The following NEU4 variants were observed in gnomAD, a reference collection of about 807,000 sequenced individuals.
The protein encoded by NEU4 is neuraminidase 4.
Under a neutral mutation model 9.9 loss-of-function variants are expected in NEU4, and 7 were observed. That is an observed-to-expected ratio of 0.71 (90% CI 0.40 to 1.33). The LOEUF is 1.33. Among genes scored for constraint, NEU4 ranks in the 40% most tolerant of loss-of-function variants. The pLI, the probability that NEU4 is intolerant of heterozygous loss-of-function variation, is 0.01. For missense variants in NEU4, 717 were observed against 712.6 expected (o/e 1.01, Z -0.07); for synonymous variants, 348 against 316.9 (o/e 1.10, Z -1.04).
At position 241,811,529 on chromosome 2, in the gene NEU4, G is replaced by A. The variant is rs527689074; in HGVS notation, c.-4+2255G>A. 138 of 1,343,174 alleles carry A rather than the reference G, an allele frequency of 1.0e-4. No homozygotes were observed. The East Asian group carries it at 2.3e-3, about 22-fold the overall frequency. 83.2% of individuals were successfully genotyped at this position (1,343,174 alleles called of 1,614,324 possible). A position where few individuals can be genotyped will look rare whatever the true frequency, so the allele number is the denominator to read the frequency against. ...ACCCGGGCGCCCGGGGTCAGGACCC[G>A]CTCCTGAGGTATCTGTCCAGCTGGC... On this transcript the variant is annotated intron_variant, in intron 1 of 3. Coordinates refer to ENST00000407683, the MANE Select transcript of NEU4 (RefSeq NM_001167600.3).
At chr2:241,815,918 G>A in intron 3 of NEU4, 133 bp from the exon 4 acceptor site, 1 of 890,390 alleles carries the variant, frequency 1.1e-6, no homozygotes, top group South Asian at 1.7e-5. Flanking sequence ...TGAGTCGTGT[G>A]GAAGGGCGGT....
intron 1 of NEU4, chr2:241,811,398 C>A (rs1700111208): frequency 3.9e-6 from 6 of 1,530,646 alleles, no homozygotes; most frequent in Admixed American, 1.9e-5. Context: ...GGGCCCTTGT[C>A]TCTGCTCTGG....
chr2:241,811,581 C>T (rs561270577), intron 1 of NEU4: 26 of 876,920 alleles, frequency 3.0e-5, no homozygotes, highest in Admixed American at 2.1e-4. Flanking sequence ...GGGTGCTGGA[C>T]GAGTCCCACT....
intron 1 of NEU4, chr2:241,810,408 C>CTA (rs1324955361): frequency 6.6e-6 from 1 of 152,266 alleles, no homozygotes; most frequent in Non-Finnish European, 1.5e-5. Flanking sequence ...CCTCAGGCCC[C>CTA]TAGGACCTGG....
In NEU4 at chr2:241,816,491, C is replaced by T; in HGVS notation, c.898C>T (p.Pro300Ser). ...RPRDDSWSVG[P>S]GSPLQPPLLG... ...ACGGGATGACAGTTGGTCAGTGGGCCCCGGGAGTCCCCTCCAGCCTCCACT... is the reference window on the plus strand; with the variant it reads ...ACGGGATGACAGTTGGTCAGTGGGCTCCGGGAGTCCCCTCCAGCCTCCACT... Residue 300 changes from proline to serine, a missense_variant, in exon 4 of 4, where the codon CCC becomes TCC. Coordinates refer to ENST00000407683, the MANE Select transcript of NEU4 (RefSeq NM_001167600.3). 6.2e-7 allele frequency: 1 copy of T among 1,609,788 alleles called. No individual in the cohort carries two copies.
At chr2:241,813,624 GC>G in intron 1 of NEU4, 2 of 940,762 alleles carry the variant, frequency 2.1e-6, no homozygotes, top group Non-Finnish European at 3.0e-6. Flanking sequence ...TGGCCGCCGG[GC>G]CCCACTCGGC....
intron 1 of NEU4, among the ~76,000 whole-genome samples, chr2:241,809,541 A>G (rs1700046610): frequency 6.6e-6 from 1 of 152,170 alleles, no homozygotes; most frequent in African/African-American, 2.4e-5. Context: ...GGTTAAGGAA[A>G]GCTTCCCCCG....
chr2:241,815,666 C>T (rs908342326), intron 3 of NEU4: 22 of 522,818 alleles, frequency 4.2e-5, no homozygotes, highest in Admixed American at 3.5e-4. Context: ...TCACCCACAA[C>T]TTTCCCTCCA....
intron 1 of NEU4, among the ~76,000 whole-genome samples, chr2:241,813,054 G>A (rs34761249): frequency 0.26 from 39,907 of 152,156 alleles, 5,951 homozygotes; most frequent in Non-Finnish European, 0.35. Context: ...GTGGGGGAGC[G>A]GCAGGAAGGG....
At position 241,814,553 on chromosome 2, in the gene NEU4, C is replaced by T. The variant is rs761194255; in HGVS notation, c.69C>T (p.Arg23=). 49 of 1,612,694 alleles carry T rather than the reference C, an allele frequency of 3.0e-5. No individual in the cohort carries two copies. In the Middle Eastern group the frequency reaches 5.0e-4, roughly 16 times the overall value. ...FERERTGLTY[R]VPSLLPVPPG... The stretch of plus-strand genomic sequence containing the variant: ...GGGAGAGGACGGGCCTGACCTACCG[C>T]GTGCCCTCGCTGCTCCCCGTGCCCC... The change falls in exon 2 of 4, where the codon CGC becomes CGT. Residue 23 remains arginine (R), a synonymous_variant. Coordinates refer to ENST00000407683, the MANE Select transcript of NEU4 (RefSeq NM_001167600.3).
chr2:241,812,845 G>A (rs1403053026), intron 1 of NEU4, among the ~76,000 whole-genome samples: 1 of 152,176 alleles, frequency 6.6e-6, no homozygotes, highest in Non-Finnish European at 1.5e-5. Context: ...ATGTCTGCAG[G>A]GGGTGCTGAC....
At chr2:241,811,186 G>A in intron 1 of NEU4, 1 of 1,231,652 alleles carries the variant, frequency 8.1e-7, no homozygotes, top group Non-Finnish European at 1.0e-6. Context: ...GCACCCCCGT[G>A]TCCTCAGCAC....
chr2:241,814,786 C>G, intron 2 of NEU4, 101 bp downstream of exon 2: 1 of 1,527,934 alleles, frequency 6.5e-7, no homozygotes, highest in Non-Finnish European at 8.8e-7. Context: ...GGCAGATGCC[C>G]GAGGTAGAGA....
chr2:241,815,915 T>C, intron 3 of NEU4, 136 bp from the exon 4 acceptor site: 2 of 864,864 alleles, frequency 2.3e-6, no homozygotes, highest in Non-Finnish European at 1.7e-6. Flanking sequence ...GGATGAGTCG[T>C]GTGGAAGGGC....
intron 1 of NEU4, chr2:241,811,346 C>T (rs572604959): frequency 6.9e-7 from 1 of 1,441,626 alleles, no homozygotes; most frequent in Non-Finnish European, 9.2e-7. Context: ...CCTGACGTAG[C>T]CCTGAGACGT....
At chr2:241,809,885 C>T (rs34334067) in intron 1 of NEU4, 39,940 of 153,580 alleles carry the variant, frequency 0.26, 5,811 homozygotes, top group Non-Finnish European at 0.33. Flanking sequence ...GCTCCAGACC[C>T]GGCCTGTGTC....
In NEU4 at chr2:241,815,220, A is replaced by C. The variant is rs1395812265; in HGVS notation, c.457+73A>C. 2.7e-6 allele frequency: 4 copies of C among 1,456,900 alleles called. No homozygotes were observed. In the African/African-American group the frequency reaches 5.6e-5, roughly 21 times the overall value. 90.2% of individuals were successfully genotyped at this position (1,456,900 alleles called of 1,614,324 possible). ...CACATGGAAGGGAGATTCCAGCGGG[A>C]AATTGCCATTCTGCCCCACCCCTGT... On this transcript the variant is annotated intron_variant, in intron 3 of 3. Transcript: ENST00000407683.
Position 241,809,243 on chromosome 2 carries a change from T to A in NEU4, c.-35T>A, listed in dbSNP as rs1336018226. 4.7e-6 allele frequency: 6 copies of A among 1,288,984 alleles called. No homozygotes were observed. The highest frequency in any genetic ancestry group is 5.1e-6 in the Non-Finnish European group (5 of 988,612). 79.8% of individuals were successfully genotyped at this position (1,288,984 alleles called of 1,614,324 possible). A position where few individuals can be genotyped will look rare whatever the true frequency, so the allele number is the denominator to read the frequency against. On this transcript the variant is annotated 5_prime_UTR_variant, in exon 1 of 4. Coordinates refer to ENST00000407683, the MANE Select transcript of NEU4 (RefSeq NM_001167600.3). ...AGGAGGGGCACACCGTCCTTTTGTC[T>A]CTGCCTTTGAGGTTGGCGGGAACTG...
chr2:241,814,040 G>T, intron 1 of NEU4: 1 of 431,126 alleles, frequency 2.3e-6, no homozygotes, highest in Non-Finnish European at 4.8e-6. Context: ...CTCTATTCTG[G>T]GGACACTGAG....
Sources: allele counts gnomAD v4.1 joint callset (sites outside exome capture counted in the v4.1 genomes callset), GRCh38; gene constraint gnomAD v4.1.1; transcripts MANE v1.5; gene names NCBI Gene and HGNC (gene_info 2026-07-23, HGNC 2026-07-21).